Variants in KALRN observed in about 807,000 individuals in gnomAD.
The protein encoded by KALRN is kalirin.
In KALRN, 70 loss-of-function variants were observed where a neutral mutation model predicts 353.7. That is an observed-to-expected ratio of 0.20 (90% confidence interval 0.16 to 0.24). The LOEUF (loss-of-function observed/expected upper bound fraction) is 0.24. Among genes scored for constraint, KALRN ranks in the 10% least tolerant of loss-of-function variants. The probability of loss-of-function intolerance (pLI) is 1.00; values close to 1 mark genes in which losing one functional copy is unlikely to be tolerated. For synonymous variants in KALRN, 1,391 were observed against 1,434.8 expected, an observed-to-expected ratio of 0.97 and a Z score of 0.69; for missense variants, 2,791 against 3,756.7, an observed-to-expected ratio of 0.74 and a Z score of 6.72.
intron 37 of KALRN, among the ~76,000 whole-genome samples, chr3:124,647,427 T>C (rs1708313): frequency 0.35 from 52,894 of 151,956 alleles, 9,393 homozygotes; most frequent in East Asian, 0.47. Flanking sequence ...ATGTCATTTG[T>C]TCTTTCACCC....
At chr3:124,470,535 A>T (rs375122172) in intron 25 of KALRN, among the ~76,000 whole-genome samples, 13 of 13,568 alleles carry the variant, frequency 9.6e-4, no homozygotes, top group African/African-American at 1.4e-3. Context: ...TAGGTTTTTT[A>T]AAAAAAAAAA....
intron 10 of KALRN, among the ~76,000 whole-genome samples, chr3:124,368,666 C>G (rs1294263877): frequency 6.8e-6 from 1 of 147,368 alleles, no homozygotes; most frequent in East Asian, 2.1e-4. Context: ...GGGTGGCGGC[C>G]GGGCAGAGGC....
intron 1 of KALRN, among the ~76,000 whole-genome samples, chr3:124,120,711 A>AATAT (rs368470724): frequency 0.026 from 2,600 of 98,576 alleles, 33 homozygotes; most frequent in South Asian, 0.032. Context: ...GAATACTAAA[A>AATAT]ATATATATAT....
intron 34 of KALRN, among the ~76,000 whole-genome samples, chr3:124,611,380 A>G (rs1042141166): frequency 6.6e-6 from 1 of 152,242 alleles, no homozygotes; most frequent in Non-Finnish European, 1.5e-5. Flanking sequence ...ATGAGCAGAT[A>G]GTAAGGAGGC....
chr3:124,643,951 A>C (rs2082398293), intron 37 of KALRN, among the ~76,000 whole-genome samples: 2 of 152,226 alleles, frequency 1.3e-5, no homozygotes, highest in South Asian at 4.1e-4. Context: ...TAATTAGTTA[A>C]ATAAAATTTT....
At chr3:124,706,344 G>A (rs2062612952) in intron 57 of KALRN, among the ~76,000 whole-genome samples, 1 of 152,228 alleles carries the variant, frequency 6.6e-6, no homozygotes, top group African/African-American at 2.4e-5. Flanking sequence ...CAGAACCCCA[G>A]CTCTCTTATC....
At position 124,724,002 on chromosome 3, in the gene KALRN, G is replaced by A. The variant is rs556731623; in HGVS notation, c.*4532G>A. On this transcript the variant is annotated 3_prime_UTR_variant, in exon 60 of 60. Coordinates refer to ENST00000682506, the MANE Select transcript of KALRN (RefSeq NM_001388419.1). The stretch of plus-strand genomic sequence containing the variant: ...TAAATGCATAGAAATGAATTGGACT[G>A]CTCATTTTTGGAGGACAAACCTTGA... 8.0e-5 allele frequency: 12 copies of A among 150,884 alleles called. No individual in the cohort carries two copies. The South Asian group carries it at 2.3e-3, about 29-fold the overall frequency. The allele number at this position is 150,884 out of a possible 1,614,324, so 9.3% of individuals were successfully genotyped here. A position where few individuals can be genotyped will look rare whatever the true frequency, so the allele number is the denominator to read the frequency against.
At chr3:124,255,739 G>C (rs956684905) in intron 3 of KALRN, among the ~76,000 whole-genome samples, 1 of 152,146 alleles carries the variant, frequency 6.6e-6, no homozygotes, top group Non-Finnish European at 1.5e-5. Flanking sequence ...AGATGGAGCA[G>C]GGTGGGGAGG....
intron 1 of KALRN, among the ~76,000 whole-genome samples, chr3:124,085,104 C>A (rs140822268): frequency 1.8e-3 from 273 of 152,300 alleles, no homozygotes; most frequent in African/African-American, 6.0e-3. Context: ...GTAGAGATGG[C>A]AGGTTTTAAA....
chr3:124,666,344 A>G, intron 45 of KALRN, 105 bp from the exon 46 acceptor site: 2 of 1,040,226 alleles, frequency 1.9e-6, no homozygotes, highest in Non-Finnish European at 2.8e-6. Flanking sequence ...TTTTGTTGTC[A>G]AATCTGTTGC....
intron 10 of KALRN, among the ~76,000 whole-genome samples, chr3:124,365,710 A>G (rs1427913653): frequency 6.6e-6 from 1 of 152,212 alleles, no homozygotes; most frequent in Non-Finnish European, 1.5e-5. Context: ...ATTTAAATCT[A>G]TATTAGCTTG....
chr3:124,105,717 G>A (rs529303519), intron 1 of KALRN, among the ~76,000 whole-genome samples: 180 of 152,222 alleles, frequency 1.2e-3, no homozygotes, highest in African/African-American at 4.0e-3. Flanking sequence ...TGCAGTGGGA[G>A]GAGGTGGTGA....
chr3:124,329,693 A>G (rs2080308488), intron 7 of KALRN, among the ~76,000 whole-genome samples, 168 bp from the exon 8 acceptor site: 1 of 151,954 alleles, frequency 6.6e-6, no homozygotes, highest in Non-Finnish European at 1.5e-5. Context: ...ATTTCTTACT[A>G]GGAGTTAGTG....
rs1201494688 is a variant in KALRN at position 124,153,174 on chromosome 3, A to G, written c.74-74816A>G. 3 of 153,440 alleles carry G rather than the reference A, an allele frequency of 2.0e-5. No homozygotes were observed. The South Asian group carries it at 6.2e-4, about 32-fold the overall frequency. The allele number at this position is 153,440 out of a possible 1,614,324, so 9.5% of individuals were successfully genotyped here. On this transcript the variant is annotated intron_variant, in intron 1 of 59. Coordinates refer to ENST00000682506, the MANE Select transcript of KALRN (RefSeq NM_001388419.1). ...GGTACATGTGCACAATGTGCCGGTT[A>G]GTTACATATGTACACATGTGCCATG...
chr3:124,166,818 C>T (rs1016085752), intron 1 of KALRN, among the ~76,000 whole-genome samples: 4 of 152,166 alleles, frequency 2.6e-5, no homozygotes, highest in African/African-American at 9.6e-5. Flanking sequence ...GCAGGTGGGT[C>T]ACTGGAGGCC....
At chr3:124,116,277 C>T (rs564948535) in intron 1 of KALRN, among the ~76,000 whole-genome samples, 14 of 152,154 alleles carry the variant, frequency 9.2e-5, no homozygotes, top group Admixed American at 2.6e-4. Context: ...AAATCTAGTC[C>T]TTGTACTGGA....
At chr3:124,368,840 A>G (rs1028075110) in intron 10 of KALRN, among the ~76,000 whole-genome samples, 3 of 152,160 alleles carry the variant, frequency 2.0e-5, no homozygotes, top group African/African-American at 7.2e-5. Context: ...CTGGCGGATC[A>G]CTCGCGGTTA....
intron 51 of KALRN, among the ~76,000 whole-genome samples, chr3:124,686,319 G>A (rs2061555534): frequency 6.6e-6 from 1 of 152,114 alleles, no homozygotes; most frequent in Non-Finnish European, 1.5e-5. Flanking sequence ...CATCACATAG[G>A]TACTATTCGC....
intron 57 of KALRN, among the ~76,000 whole-genome samples, chr3:124,709,633 T>A (rs752807587): frequency 6.6e-6 from 1 of 152,100 alleles, no homozygotes; most frequent in Non-Finnish European, 1.5e-5. Flanking sequence ...CCCAGAAATC[T>A]GAGCAACCGG....
Sources: gnomAD v4.1 joint callset for allele counts (sites outside exome capture counted in the v4.1 genomes callset) on GRCh38, gnomAD v4.1.1 for gene constraint, MANE v1.5 for transcripts, NCBI Gene and HGNC (gene_info 2026-07-23, HGNC 2026-07-21) for gene names.